The following TMEM132B variants were observed in gnomAD, a reference collection of about 807,000 sequenced individuals.
TMEM132B encodes the protein transmembrane protein 132B.
A neutral mutation model predicts 90.8 loss-of-function variants in TMEM132B; 18 were observed. The observed-to-expected ratio is 0.20, with a 90% CI of 0.14 to 0.29. TMEM132B has a LOEUF of 0.29. Ranked by LOEUF, TMEM132B falls within the 10% of genes least tolerant of loss-of-function variation. The probability of loss-of-function intolerance (pLI) is 1.00; values close to 1 mark genes in which losing one functional copy is unlikely to be tolerated. For synonymous variants in TMEM132B, 504 were observed against 523.3 expected (o/e 0.96, Z 0.50); for missense variants, 1,096 against 1,326.8 (o/e 0.83, Z 2.70).
At chr12:125,283,087 C>T (rs894387421) in intron 1 of TMEM132B, among the ~76,000 whole-genome samples, 3 of 152,122 alleles carry the variant, frequency 2.0e-5, no homozygotes, top group South Asian at 2.1e-4. Context: ...GCTGTGTTCG[C>T]GCACAACTGT....
At chr12:125,248,745 G>T (rs964571945) in intron 1 of TMEM132B, among the ~76,000 whole-genome samples, 1 of 152,148 alleles carries the variant, frequency 6.6e-6, no homozygotes, top group Admixed American at 6.5e-5. Context: ...GGGGTATGGG[G>T]AGCATGTGAG....
intron 1 of TMEM132B, among the ~76,000 whole-genome samples, chr12:125,235,906 C>T (rs573756347): frequency 3.0e-4 from 42 of 139,686 alleles, no homozygotes; most frequent in Admixed American, 1.9e-3. Context: ...TGGGTTAAAG[C>T]GATCCTCCTG....
At chr12:125,542,916 G>A (rs955347829) in intron 4 of TMEM132B, among the ~76,000 whole-genome samples, 1 of 152,174 alleles carries the variant, frequency 6.6e-6, no homozygotes, top group Non-Finnish European at 1.5e-5. Flanking sequence ...CAGCAATGTG[G>A]CAGCTGTTGG....
intron 1 of TMEM132B, among the ~76,000 whole-genome samples, chr12:125,347,652 C>A (rs941427199): frequency 2.0e-5 from 3 of 152,148 alleles, no homozygotes; most frequent in African/African-American, 7.2e-5. Flanking sequence ...TTTTAAGCGC[C>A]ACGGTCAGGT....
chr12:125,195,839 G>T (rs1565972946), intron 1 of TMEM132B, among the ~76,000 whole-genome samples: 1 of 152,154 alleles, frequency 6.6e-6, no homozygotes, highest in African/African-American at 2.4e-5. Flanking sequence ...CCTGAGGTGG[G>T]AATGTGCTTG....
intron 1 of TMEM132B, among the ~76,000 whole-genome samples, chr12:125,198,430 C>A (rs150653833): frequency 0.021 from 3,153 of 152,272 alleles, 114 homozygotes; most frequent in African/African-American, 0.071. Flanking sequence ...CAGCCTCCCC[C>A]CTTCTGATGG....
chr12:125,236,516 G>A (rs1593050968), intron 1 of TMEM132B, among the ~76,000 whole-genome samples: 1 of 152,102 alleles, frequency 6.6e-6, no homozygotes, highest in Non-Finnish European at 1.5e-5. Context: ...TCTGCTTATC[G>A]GGTATAAGTT....
intron 2 of TMEM132B, among the ~76,000 whole-genome samples, chr12:125,399,458 A>AGTGTGTGTGT (rs139362756): frequency 2.3e-5 from 3 of 132,608 alleles, no homozygotes; most frequent in African/African-American, 8.5e-5. Flanking sequence ...TGAAGAAGGA[A>AGTGTGTGTGT]GTGTGTGTGT....
At chr12:125,371,217 G>T (rs578205408) in intron 2 of TMEM132B, among the ~76,000 whole-genome samples, 1 of 152,298 alleles carries the variant, frequency 6.6e-6, no homozygotes, top group African/African-American at 2.4e-5. Context: ...GCAGCTGATT[G>T]GATGGTGACC....
At chr12:125,378,884 A>G (rs893831892) in intron 2 of TMEM132B, among the ~76,000 whole-genome samples, 5 of 152,214 alleles carry the variant, frequency 3.3e-5, no homozygotes, top group African/African-American at 1.2e-4. Flanking sequence ...TCATTTGCTC[A>G]TATGGGGAGA....
rs201307832 is a variant in TMEM132B, at chr12:125,650,959, C to T, written c.1914+6C>T. The T allele has an allele frequency of 1.1e-4, 184 of 1,611,646 alleles. No homozygotes were observed. The African/African-American group carries it at 1.2e-3, about 10-fold the overall frequency. On this transcript the variant is annotated splice_donor_region_variant and intron_variant, in intron 7 of 8. Transcript: ENST00000682704. ...CGGGAATAACCACGGTGCAGGTACACGCCGCCATGCCTTGCCCAACAGCAG... is the reference window on the plus strand; with the variant it reads ...CGGGAATAACCACGGTGCAGGTACATGCCGCCATGCCTTGCCCAACAGCAG...
chr12:125,228,622 A>G (rs889012853), intron 1 of TMEM132B, among the ~76,000 whole-genome samples: 2 of 152,208 alleles, frequency 1.3e-5, no homozygotes, highest in African/African-American at 2.4e-5. Flanking sequence ...GTTAGGATCA[A>G]TTCTGTGGTT....
At chr12:125,331,968 A>G (rs753456851) in intron 1 of TMEM132B, among the ~76,000 whole-genome samples, 5 of 152,074 alleles carry the variant, frequency 3.3e-5, no homozygotes, top group Non-Finnish European at 5.9e-5. Context: ...CTTGTTGCCC[A>G]GGCTTCTCTT....
chr12:125,195,261 A>T (rs901913685), intron 1 of TMEM132B, among the ~76,000 whole-genome samples: 25 of 152,256 alleles, frequency 1.6e-4, no homozygotes, highest in African/African-American at 5.8e-4. Context: ...CTTTGTGGTT[A>T]GCATTAAGGT....
At chr12:125,342,020 A>G (rs888779461) in intron 1 of TMEM132B, among the ~76,000 whole-genome samples, 1 of 152,002 alleles carries the variant, frequency 6.6e-6, no homozygotes, top group Non-Finnish European at 1.5e-5. Context: ...TGTTATGCCT[A>G]TATTCTCTAT....
At chr12:125,194,426 T>TA (rs879914324) in intron 1 of TMEM132B, among the ~76,000 whole-genome samples, 1 of 152,040 alleles carries the variant, frequency 6.6e-6, no homozygotes, top group Non-Finnish European at 1.5e-5. Context: ...CACATGAAAA[T>TA]ACTGCCGTGG....
At chr12:125,274,591 T>A (rs894923749) in intron 1 of TMEM132B, among the ~76,000 whole-genome samples, 8 of 152,242 alleles carry the variant, frequency 5.3e-5, no homozygotes, top group African/African-American at 1.9e-4. Flanking sequence ...TGCCTGCGAC[T>A]ATCATTCAGT....
intron 1 of TMEM132B, among the ~76,000 whole-genome samples, chr12:125,298,126 C>T (rs1005144169): frequency 3.9e-4 from 59 of 152,064 alleles, no homozygotes; most frequent in Non-Finnish European, 6.2e-4. Context: ...CAAGGTGGCG[C>T]GAGCCTGTGT....
intron 4 of TMEM132B, among the ~76,000 whole-genome samples, chr12:125,563,026 G>C (rs74980563): frequency 0.012 from 1,832 of 152,082 alleles, 39 homozygotes; most frequent in African/African-American, 0.043. Flanking sequence ...TGGCTGGTCA[G>C]TGGAGCAGTC....
Sources: allele counts gnomAD v4.1 joint callset (sites outside exome capture counted in the v4.1 genomes callset), GRCh38; gene constraint gnomAD v4.1.1; transcripts MANE v1.5; gene names NCBI Gene and HGNC (gene_info 2026-07-23, HGNC 2026-07-21).